The following HDAC4 variants were observed in gnomAD, a reference collection of about 807,000 sequenced individuals.
The protein encoded by HDAC4 is histone deacetylase 4.
HDAC4 carries 16 observed loss-of-function variants against 135.1 expected under a neutral mutation model. That is an observed-to-expected ratio of 0.12 (90% confidence interval 0.08 to 0.18). The LOEUF (loss-of-function observed/expected upper bound fraction) is 0.18, where lower values mean the gene tolerates loss of function less well. HDAC4 is among the 10% of genes least tolerant of loss of function. HDAC4 has a pLI of 1.00. For synonymous variants in HDAC4, 685 were observed against 653.4 expected, an observed-to-expected ratio of 1.05 and a Z score of -0.74; for missense variants, 1,143 against 1,511.8, an observed-to-expected ratio of 0.76 and a Z score of 4.05.
chr2:239,063,538 G>A (rs1277342211), intron 24 of HDAC4, among the ~76,000 whole-genome samples: 2 of 152,142 alleles, frequency 1.3e-5, no homozygotes, highest in Non-Finnish European at 2.9e-5. Context: ...GTCAGCTGTC[G>A]GCGGAGGTGT....
At chr2:239,122,748 G>A (rs1276917939) in intron 12 of HDAC4, among the ~76,000 whole-genome samples, 4 of 152,250 alleles carry the variant, frequency 2.6e-5, no homozygotes, top group Admixed American at 2.6e-4. Flanking sequence ...CTAGGCACGG[G>A]CCGCCTCTCT....
chr2:239,281,568 T>TGCAA (rs1470830274), intron 2 of HDAC4, among the ~76,000 whole-genome samples: 1 of 139,252 alleles, frequency 7.2e-6, no homozygotes, highest in African/African-American at 2.7e-5. Flanking sequence ...CACACCACTC[T>TGCAA]ACAATGTACA....
chr2:239,113,890 G>A (rs548898580), intron 13 of HDAC4, among the ~76,000 whole-genome samples: 1 of 151,920 alleles, frequency 6.6e-6, no homozygotes, highest in Non-Finnish European at 1.5e-5. Flanking sequence ...AGTGCCCGGG[G>A]TGCTAATTAA....
chr2:239,170,886 T>C (rs1441305768), intron 5 of HDAC4, among the ~76,000 whole-genome samples: 1 of 152,104 alleles, frequency 6.6e-6, no homozygotes, highest in Non-Finnish European at 1.5e-5. Flanking sequence ...CCAATAAACC[T>C]CATGAGCTTG....
chr2:239,092,742 C>T (rs1342347312), intron 17 of HDAC4, among the ~76,000 whole-genome samples: 3 of 152,236 alleles, frequency 2.0e-5, no homozygotes. Context: ...TTGCAGGGAG[C>T]CTGGCTCAGG....
intron 18 of HDAC4, 70 bp downstream of exon 18, chr2:239,089,939 G>A (rs1235954040): frequency 1.9e-5 from 21 of 1,121,844 alleles, no homozygotes; most frequent in Non-Finnish European, 2.5e-5. Flanking sequence ...CGGAGTGGGC[G>A]GCCCCTCCCC....
chr2:239,095,240 G>A (rs1361401758), intron 16 of HDAC4, among the ~76,000 whole-genome samples, 184 bp from the exon 17 acceptor site: 1 of 152,142 alleles, frequency 6.6e-6, no homozygotes, highest in East Asian at 1.9e-4. Context: ...CCTTAGAGGT[G>A]CCTTGACTCC....
intron 1 of HDAC4, among the ~76,000 whole-genome samples, chr2:239,383,563 T>C (rs1365272326): frequency 1.3e-5 from 2 of 151,646 alleles, no homozygotes; most frequent in Non-Finnish European, 2.9e-5. Flanking sequence ...TGGGCCACAA[T>C]GAAGCAACAA....
intron 2 of HDAC4, among the ~76,000 whole-genome samples, chr2:239,253,550 A>C (rs1198805272): frequency 6.6e-6 from 1 of 152,260 alleles, no homozygotes; most frequent in Admixed American, 6.5e-5. Context: ...GAGCCTCCTC[A>C]TGTCCACAAC....
intron 24 of HDAC4, among the ~76,000 whole-genome samples, chr2:239,058,336 C>T (rs2032184947): frequency 6.6e-6 from 1 of 152,224 alleles, no homozygotes; most frequent in Admixed American, 6.5e-5. Flanking sequence ...GAAAGAGCCA[C>T]AGAAACTGGG....
At chr2:239,401,558 G>A (rs1310247468), upstream of HDAC4, 3 of 216,866 alleles carry the variant, frequency 1.4e-5, no homozygotes, top group Non-Finnish European at 9.2e-6. Flanking sequence ...ATGTCTGCGA[G>A]CCTAATTCGC....
chr2:239,190,597 C>G (rs1031387170), intron 3 of HDAC4, among the ~76,000 whole-genome samples: 2 of 152,220 alleles, frequency 1.3e-5, no homozygotes, highest in Admixed American at 1.3e-4. Flanking sequence ...GTGGTCCAGA[C>G]AGACGCTCGA....
At chr2:239,112,309 C>T (rs757570060) in intron 13 of HDAC4, among the ~76,000 whole-genome samples, 3 of 152,224 alleles carry the variant, frequency 2.0e-5, no homozygotes, top group Non-Finnish European at 2.9e-5. Context: ...TTCTGACCAA[C>T]AGCATTGAAT....
intron 2 of HDAC4, among the ~76,000 whole-genome samples, chr2:239,281,354 T>TACAC (rs1553598072): frequency 2.0e-5 from 2 of 97,694 alleles, no homozygotes; most frequent in African/African-American, 3.5e-5. Context: ...CACACCACTC[T>TACAC]ACAATGAACA....
rs749417471 is a variant in HDAC4, at chr2:239,303,157, G to A, written c.22+49521C>T. ...AACAGAGCCTGACTCCAGCCTCAGG[G>A]CGTGAGGCACCTGGCCCTGGCCTGT... On this transcript the variant is annotated intron_variant, in intron 2 of 26. Transcript: ENST00000543185. This position sits in a 1 kb window ranked among gnomAD's most constrained non-coding sequence, Gnocchi z 5.1. Among the ~76,000 whole-genome samples the A allele has an allele frequency of 3.3e-5, 5 of 152,234 alleles. No homozygotes were observed. The highest frequency in any genetic ancestry group is 2.9e-5 in the Non-Finnish European group (2 of 68,046).
At chr2:239,355,566 C>A (rs1693436928) in intron 1 of HDAC4, among the ~76,000 whole-genome samples, 2 of 152,220 alleles carry the variant, frequency 1.3e-5, no homozygotes, top group African/African-American at 2.4e-5. Flanking sequence ...GCCAGGTATT[C>A]TTCTAGCCAA....
chr2:239,121,000 C>CTTTT (rs34226161), intron 12 of HDAC4, among the ~76,000 whole-genome samples: 1 of 144,746 alleles, frequency 6.9e-6, no homozygotes, highest in African/African-American at 2.6e-5. Context: ...CTTTAAATTT[C>CTTTT]TTTTTTTTTT....
At chr2:239,220,652 C>T (rs561227076) in intron 3 of HDAC4, among the ~76,000 whole-genome samples, 1 of 152,266 alleles carries the variant, frequency 6.6e-6, no homozygotes, top group East Asian at 1.9e-4. Context: ...AATAAACACC[C>T]ACGTATCCGG....
intron 1 of HDAC4, among the ~76,000 whole-genome samples, chr2:239,382,690 G>A (rs550795612): frequency 3.9e-5 from 6 of 152,098 alleles, no homozygotes; most frequent in South Asian, 4.1e-4. Context: ...CCAGCCCACC[G>A]TGATGGGAGC....
Sources: allele counts gnomAD v4.1 joint callset (sites outside exome capture counted in the v4.1 genomes callset), GRCh38; gene constraint gnomAD v4.1.1; non-coding constraint Gnocchi (gnomAD v3.1); transcripts MANE v1.5; gene names NCBI Gene and HGNC (gene_info 2026-07-23, HGNC 2026-07-21).